The following LUZP2 variants were observed in gnomAD, a reference collection of about 807,000 sequenced individuals.
LUZP2 encodes leucine zipper protein 2.
LUZP2 carries 52 observed loss-of-function variants against 51.6 expected under a neutral mutation model. That is an observed-to-expected ratio of 1.01 (90% CI 0.81 to 1.27). The LOEUF is 1.27. LUZP2 is among the 50% of genes most tolerant of loss of function. The probability of loss-of-function intolerance (pLI) is 0.00; values close to 1 mark genes in which losing one functional copy is unlikely to be tolerated. For missense variants in LUZP2, 436 were observed against 395.4 expected (o/e 1.10, Z -0.87); for synonymous variants, 154 against 137.3 (o/e 1.12, Z -0.85).
chr11:24,650,070 G>C (rs1257815194), intron 1 of LUZP2, among the ~76,000 whole-genome samples: 1 of 151,082 alleles, frequency 6.6e-6, no homozygotes, highest in Admixed American at 6.6e-5. Flanking sequence ...AGCTATTAAG[G>C]CCTTCTTGAA....
intron 10 of LUZP2, among the ~76,000 whole-genome samples, chr11:25,054,631 A>T (rs1382198539): frequency 2.0e-5 from 3 of 152,146 alleles, no homozygotes; most frequent in Admixed American, 1.3e-4. Flanking sequence ...AAAATAACTG[A>T]CACAAACATG....
intron 1 of LUZP2, among the ~76,000 whole-genome samples, chr11:24,577,842 C>A (rs1160686330): frequency 6.6e-6 from 1 of 151,994 alleles, no homozygotes; most frequent in Admixed American, 6.6e-5. Flanking sequence ...ATACAGTTAG[C>A]GTATCAGAAA....
chr11:24,613,400 G>GTC (rs921102031), intron 1 of LUZP2, among the ~76,000 whole-genome samples: 196 of 152,040 alleles, frequency 1.3e-3, no homozygotes, highest in African/African-American at 4.5e-3. Flanking sequence ...ACTATCATAG[G>GTC]TAAGTTTAAA....
chr11:24,733,208 A>G (rs1452030580), intron 3 of LUZP2, among the ~76,000 whole-genome samples: 2 of 151,828 alleles, frequency 1.3e-5, no homozygotes, highest in Admixed American at 6.6e-5. Flanking sequence ...TCTTATTATT[A>G]TTTATAGTGA....
intron 7 of LUZP2, among the ~76,000 whole-genome samples, chr11:24,973,705 G>GC (rs1319425909): frequency 2.0e-5 from 3 of 152,054 alleles, no homozygotes; most frequent in Non-Finnish European, 4.4e-5. Flanking sequence ...AAGTCATTCA[G>GC]CAGCAGGTTG....
At chr11:24,578,889 G>C (rs113151780) in intron 1 of LUZP2, among the ~76,000 whole-genome samples, 33 of 152,044 alleles carry the variant, frequency 2.2e-4, no homozygotes, top group Admixed American at 7.2e-4. Flanking sequence ...ATATACCCAG[G>C]TAACAAACCT....
At chr11:24,508,201 T>C (rs1850197066) in intron 1 of LUZP2, among the ~76,000 whole-genome samples, 2 of 152,038 alleles carry the variant, frequency 1.3e-5, no homozygotes, top group Admixed American at 6.6e-5. Context: ...AGAACATACA[T>C]TCTTAATCAC....
chr11:24,804,036 G>T (rs980132759), intron 5 of LUZP2, among the ~76,000 whole-genome samples: 11 of 148,332 alleles, frequency 7.4e-5, no homozygotes, highest in Admixed American at 1.4e-4. Flanking sequence ...CTGTTACTTT[G>T]CTCCTAACAC....
At chr11:24,956,169 C>G (rs901673710) in intron 7 of LUZP2, among the ~76,000 whole-genome samples, 3 of 151,704 alleles carry the variant, frequency 2.0e-5, no homozygotes, top group Non-Finnish European at 2.9e-5. Flanking sequence ...AAGAATGACC[C>G]CTGAGAGCAG....
chr11:25,040,343 A>ATTTTTGTTTTTTTTTTTTTTTTT, intron 9 of LUZP2, among the ~76,000 whole-genome samples: 1 of 98,828 alleles, frequency 1.0e-5, no homozygotes, highest in African/African-American at 5.8e-5. Flanking sequence ...TTTCTTTCCG[A>ATTTTTGTTTTTTTTTTTTTTTTT]TTTTTTTTTT....
chr11:24,724,169 C>T (rs188273290), intron 1 of LUZP2, among the ~76,000 whole-genome samples: 5 of 152,216 alleles, frequency 3.3e-5, no homozygotes, highest in East Asian at 1.9e-4. Flanking sequence ...TACATGAATG[C>T]TGTATCTTAA....
chr11:24,648,434 G>A (rs905196831), intron 1 of LUZP2, among the ~76,000 whole-genome samples: 4 of 151,884 alleles, frequency 2.6e-5, no homozygotes, highest in East Asian at 1.9e-4. Context: ...AGCTGCTCGG[G>A]TATGTCTAGC....
At chr11:24,612,174 G>A (rs1047325726) in intron 1 of LUZP2, among the ~76,000 whole-genome samples, 2 of 152,240 alleles carry the variant, frequency 1.3e-5, no homozygotes, top group Non-Finnish European at 2.9e-5. Flanking sequence ...CATTTGGATG[G>A]CACAGGGTTA....
At chr11:25,028,803 C>A (rs926927859) in intron 9 of LUZP2, among the ~76,000 whole-genome samples, 11 of 151,974 alleles carry the variant, frequency 7.2e-5, no homozygotes, top group African/African-American at 1.2e-4. Flanking sequence ...ATTCCTCTGT[C>A]ATATTCCTAA....
intron 1 of LUZP2, among the ~76,000 whole-genome samples, chr11:24,612,186 A>T (rs1360705441): frequency 6.6e-6 from 1 of 152,178 alleles, no homozygotes; most frequent in Non-Finnish European, 1.5e-5. Context: ...ACAGGGTTAA[A>T]GGGAAAGAAA....
chr11:24,658,506 T>C (rs563493543), intron 1 of LUZP2, among the ~76,000 whole-genome samples: 19 of 152,222 alleles, frequency 1.2e-4, no homozygotes, highest in African/African-American at 4.3e-4. Flanking sequence ...ATTCAGGACA[T>C]AGGCATGGGC....
At chr11:24,531,025 T>C (rs1850975670) in intron 1 of LUZP2, among the ~76,000 whole-genome samples, 1 of 149,084 alleles carries the variant, frequency 6.7e-6, no homozygotes, top group African/African-American at 2.5e-5. Flanking sequence ...AGATGGCTTA[T>C]TACTTTAGCC....
intron 6 of LUZP2, among the ~76,000 whole-genome samples, 167 bp from the exon 7 acceptor site, chr11:24,914,309 G>T (rs1853730534): frequency 1.3e-5 from 2 of 152,096 alleles, no homozygotes; most frequent in African/African-American, 4.8e-5. Flanking sequence ...TTGTCCAGAG[G>T]TCTGACTCTC....
At chr11:24,717,879 C>CTAAGGA (rs57860751) in intron 1 of LUZP2, among the ~76,000 whole-genome samples, 151,273 of 152,166 alleles carry the variant, frequency 0.99, 75,201 homozygotes, top group East Asian at 1. Flanking sequence ...TGTTAGTTTG[C>CTAAGGA]TAATAGCCTC....
Sources: allele counts gnomAD v4.1 joint callset (sites outside exome capture counted in the v4.1 genomes callset), GRCh38; gene constraint gnomAD v4.1.1; transcripts MANE v1.5; gene names NCBI Gene and HGNC (gene_info 2026-07-23, HGNC 2026-07-21).